CDK5RAP2: variants seen among roughly 807,000 people sequenced by gnomAD.
CDK5RAP2 encodes CDK5 regulatory subunit associated protein 2.
In CDK5RAP2, 147 loss-of-function variants were observed where a neutral mutation model predicts 232.9. The ratio of observed to expected loss-of-function variants is 0.63; its 90% confidence interval spans 0.55 to 0.72. CDK5RAP2 has a LOEUF of 0.72. CDK5RAP2 is among the 30% of genes least tolerant of loss of function. The pLI is 0.00. For synonymous variants in CDK5RAP2, 833 were observed against 833.7 expected (o/e 1.00, Z 0.01); for missense variants, 2,195 against 2,231.5 (o/e 0.98, Z 0.33).
At chr9:120,555,186 G>C (rs547204024) in intron 3 of CDK5RAP2, among the ~76,000 whole-genome samples, 1 of 152,040 alleles carries the variant, frequency 6.6e-6, no homozygotes, top group Admixed American at 6.5e-5. Context: ...TATTGCCCAG[G>C]CTTGGCACAA....
At chr9:120,578,436 T>C (rs922974282) in intron 1 of CDK5RAP2, among the ~76,000 whole-genome samples, 2 of 152,184 alleles carry the variant, frequency 1.3e-5, no homozygotes, top group African/African-American at 4.8e-5. Context: ...AGACAGGAAC[T>C]GCAAAGCATC....
At chr9:120,480,671 TA>T (rs1361080480) in intron 14 of CDK5RAP2, among the ~76,000 whole-genome samples, 10 of 152,152 alleles carry the variant, frequency 6.6e-5, no homozygotes, top group African/African-American at 2.4e-4. Context: ...TTTTTCAAGA[TA>T]GGGGTCTCTG....
At chr9:120,394,349 T>C (rs1008363890) in intron 36 of CDK5RAP2, among the ~76,000 whole-genome samples, 163 bp downstream of exon 36, 4 of 152,088 alleles carry the variant, frequency 2.6e-5, no homozygotes, top group African/African-American at 9.7e-5. Context: ...GTGAATACAT[T>C]TGTCTATGTG....
rs185031344 is a variant in CDK5RAP2, at chr9:120,575,104, T to G, written c.60-3063A>C. On this transcript the variant is annotated intron_variant, in intron 1 of 37. Coordinates refer to ENST00000349780, the MANE Select transcript of CDK5RAP2 (RefSeq NM_018249.6). ...TCTCACTCTATCGCCCAGGCTGGAGTGCAGTGGCGTGATCTCAGCTCATTG... is the reference window on the plus strand; with the variant it reads ...TCTCACTCTATCGCCCAGGCTGGAGGGCAGTGGCGTGATCTCAGCTCATTG... Among the ~76,000 whole-genome samples, 28 of 152,252 alleles carry G rather than the reference T, an allele frequency of 1.8e-4. No homozygotes were observed. In the East Asian group the frequency reaches 4.8e-3, roughly 26 times the overall value.
intron 13 of CDK5RAP2, among the ~76,000 whole-genome samples, chr9:120,488,627 G>A (rs1020810483): frequency 1.7e-4 from 26 of 152,090 alleles, no homozygotes; most frequent in African/African-American, 5.6e-4. Context: ...CTACCTACTG[G>A]CTCCTGCCAT....
intron 12 of CDK5RAP2, among the ~76,000 whole-genome samples, chr9:120,496,649 C>T (rs1316044235): frequency 3.4e-5 from 5 of 145,036 alleles, no homozygotes; most frequent in African/African-American, 5.2e-5. Context: ...AGTGAGGAGC[C>T]CCTCTGCCCG....
intron 4 of CDK5RAP2, among the ~76,000 whole-genome samples, chr9:120,549,823 A>G (rs887023436): frequency 6.6e-6 from 1 of 152,232 alleles, no homozygotes; most frequent in Non-Finnish European, 1.5e-5. Context: ...AAAAGGGGAC[A>G]TCCTCACTGT....
intron 4 of CDK5RAP2, among the ~76,000 whole-genome samples, chr9:120,548,974 T>C (rs1390325018): frequency 3.3e-5 from 5 of 152,144 alleles, no homozygotes; most frequent in Non-Finnish European, 7.4e-5. Context: ...CTGGAGAACA[T>C]GGGGAAACCC....
At chr9:120,402,668 T>C in intron 34 of CDK5RAP2, 138 bp downstream of exon 34, 1 of 943,536 alleles carries the variant, frequency 1.1e-6, no homozygotes, top group East Asian at 2.5e-5. Flanking sequence ...ACCTGACCTC[T>C]GAGCTCTCTG....
intron 24 of CDK5RAP2, 37 bp downstream of exon 24, chr9:120,439,362 C>T: frequency 6.4e-7 from 1 of 1,558,042 alleles, no homozygotes. Flanking sequence ...TGGGGGACTA[C>T]AGGCTTAAAC....
chr9:120,551,762 T>C (rs534027855), intron 3 of CDK5RAP2, among the ~76,000 whole-genome samples: 1 of 152,270 alleles, frequency 6.6e-6, no homozygotes, highest in African/African-American at 2.4e-5. Context: ...AACAACCATA[T>C]GATGATACCC....
chr9:120,405,718 T>C (rs2033388121), intron 32 of CDK5RAP2, among the ~76,000 whole-genome samples: 1 of 152,228 alleles, frequency 6.6e-6, no homozygotes, highest in Admixed American at 6.5e-5. Flanking sequence ...CTAAGAATAT[T>C]ATTTAACAGC....
chr9:120,509,494 G>A (rs1417502231), intron 12 of CDK5RAP2, among the ~76,000 whole-genome samples: 1 of 152,104 alleles, frequency 6.6e-6, no homozygotes, highest in African/African-American at 2.4e-5. Context: ...CCCACTTTAG[G>A]GGAGTGAACA....
At chr9:120,419,112 G>A (rs547651325) in intron 27 of CDK5RAP2, among the ~76,000 whole-genome samples, 19 of 152,270 alleles carry the variant, frequency 1.2e-4, no homozygotes, top group African/African-American at 3.1e-4. Flanking sequence ...CAGCTCTCTC[G>A]CCTTCCTTCT....
intron 1 of CDK5RAP2, among the ~76,000 whole-genome samples, chr9:120,576,381 A>G (rs1367772715): frequency 6.6e-6 from 1 of 152,180 alleles, no homozygotes; most frequent in Non-Finnish European, 1.5e-5. Context: ...GATGCTCAAC[A>G]CATCAGTAGC....
intron 18 of CDK5RAP2, among the ~76,000 whole-genome samples, chr9:120,465,541 A>G (rs2037329647): frequency 6.6e-6 from 1 of 152,172 alleles, no homozygotes; most frequent in Non-Finnish European, 1.5e-5. Context: ...GAAATCTGAC[A>G]AACTCTATCA....
Position 120,491,423 on chromosome 9 carries a change from C to T in CDK5RAP2, c.1366G>A (p.Ala456Thr), listed in dbSNP as rs761064188. The T allele has an allele frequency of 6.2e-7, 1 of 1,611,998 alleles. No individual in the cohort carries two copies. Among genetic ancestry groups the T allele is most frequent in the Admixed American group, 1.7e-5 (1 of 59,968 alleles). Reference sequence around the variant, plus strand: ...AGACTCTTGTAACGATTTTCCATTGCTTTCTCTCTTTCATTCACTTCATTG... The same window carrying T: ...AGACTCTTGTAACGATTTTCCATTGTTTTCTCTCTTTCATTCACTTCATTG... ...LRNEVNEREK[A>T]MENRYKSLLS... The change falls in exon 13 of 38, where the codon GCA becomes ACA. Residue 456 changes from alanine (A) to threonine (T), a missense_variant. By Grantham distance (58) the Ala-to-Thr change is moderately conservative. Transcript: ENST00000349780.
intron 12 of CDK5RAP2, among the ~76,000 whole-genome samples, chr9:120,506,803 A>G (rs2039837999): frequency 6.6e-6 from 1 of 152,210 alleles, no homozygotes; most frequent in African/African-American, 2.4e-5. Flanking sequence ...TGAATGGGCA[A>G]AGAAAGTAGT....
At chr9:120,404,892 T>C (rs372670078) in intron 32 of CDK5RAP2, among the ~76,000 whole-genome samples, 1 of 152,204 alleles carries the variant, frequency 6.6e-6, no homozygotes, top group African/African-American at 2.4e-5. Context: ...CTTTCACATA[T>C]GAAAAGCTAT....
Sources: allele counts gnomAD v4.1 joint callset (sites outside exome capture counted in the v4.1 genomes callset), GRCh38; gene constraint gnomAD v4.1.1; transcripts MANE v1.5; gene names NCBI Gene and HGNC (gene_info 2026-07-23, HGNC 2026-07-21).